VAV3: variants seen among roughly 807,000 people sequenced by gnomAD.
VAV3 encodes guanine nucleotide exchange factor VAV3.
A neutral mutation model predicts 131.2 loss-of-function variants in VAV3; 94 were observed. That is an observed-to-expected ratio of 0.72 (90% CI 0.61 to 0.85). VAV3 has a LOEUF of 0.85. Among genes scored for constraint, VAV3 ranks in the 40% least tolerant of loss-of-function variants. The pLI is 0.00. For missense variants in VAV3, 939 were observed against 1,002.7 expected, an observed-to-expected ratio of 0.94 and a Z score of 0.86; for synonymous variants, 349 against 342.0, an observed-to-expected ratio of 1.02 and a Z score of -0.22.
At chr1:107,778,411 C>CTG (rs34739480) in intron 3 of VAV3, among the ~76,000 whole-genome samples, 113,142 of 151,862 alleles carry the variant, frequency 0.75, 42,424 homozygotes, top group Non-Finnish European at 0.79. Flanking sequence ...TTAAAAAAAT[C>CTG]TTTACATATA....
chr1:107,604,305 A>T (rs755246075), intron 22 of VAV3, among the ~76,000 whole-genome samples: 6 of 152,182 alleles, frequency 3.9e-5, no homozygotes, highest in Admixed American at 3.3e-4. Context: ...ACAGGCATTC[A>T]GCAAAAGTTT....
intron 19 of VAV3, among the ~76,000 whole-genome samples, chr1:107,666,960 G>A (rs1570717079): frequency 2.0e-5 from 3 of 152,242 alleles, no homozygotes. Context: ...CTGTATCATT[G>A]ATTTTCAAAA....
At chr1:107,828,239 A>G (rs1334195796) in intron 2 of VAV3, among the ~76,000 whole-genome samples, 1 of 152,148 alleles carries the variant, frequency 6.6e-6, no homozygotes, top group Non-Finnish European at 1.5e-5. Context: ...GAGGAAGAAG[A>G]GTCAAGTTGT....
At chr1:107,814,776 T>G (rs543128329) in intron 2 of VAV3, among the ~76,000 whole-genome samples, 1 of 152,268 alleles carries the variant, frequency 6.6e-6, no homozygotes, top group African/African-American at 2.4e-5. Context: ...AAACAGTGCT[T>G]ATGGAAGAAT....
At chr1:107,840,566 A>G (rs1668656599) in intron 2 of VAV3, among the ~76,000 whole-genome samples, 1 of 152,178 alleles carries the variant, frequency 6.6e-6, no homozygotes, top group African/African-American at 2.4e-5. Context: ...TTCATTGTCT[A>G]TTCATATTTC....
chr1:107,827,208 G>A (rs1668053648), intron 2 of VAV3, among the ~76,000 whole-genome samples: 1 of 152,124 alleles, frequency 6.6e-6, no homozygotes, highest in South Asian at 2.1e-4. Flanking sequence ...CCAGACAGAG[G>A]TAACATGAAA....
chr1:107,762,983 T>C (rs567501100), intron 9 of VAV3, among the ~76,000 whole-genome samples: 22 of 152,294 alleles, frequency 1.4e-4, no homozygotes, highest in African/African-American at 4.8e-4. Flanking sequence ...TCACCCCATG[T>C]TATCTTGGTT....
At chr1:107,692,192 T>C (rs1397148591) in intron 17 of VAV3, among the ~76,000 whole-genome samples, 1 of 152,220 alleles carries the variant, frequency 6.6e-6, no homozygotes, top group African/African-American at 2.4e-5. Flanking sequence ...GATCAAATTT[T>C]GGAGAAAGTT....
intron 1 of VAV3, among the ~76,000 whole-genome samples, chr1:107,902,856 G>A (rs1344127448): frequency 2.0e-5 from 3 of 152,060 alleles, no homozygotes; most frequent in Non-Finnish European, 2.9e-5. Context: ...ATCCATACCC[G>A]TATTTGCCAT....
intron 20 of VAV3, among the ~76,000 whole-genome samples, chr1:107,624,647 A>T (rs182107377): frequency 6.6e-6 from 1 of 152,298 alleles, no homozygotes; most frequent in African/African-American, 2.4e-5. Flanking sequence ...ATGTTTTTCT[A>T]TCCTTGGCAA....
intron 2 of VAV3, among the ~76,000 whole-genome samples, chr1:107,841,736 T>C (rs1668718025): frequency 6.6e-6 from 1 of 152,154 alleles, no homozygotes; most frequent in Non-Finnish European, 1.5e-5. Flanking sequence ...GTCTGAGCTG[T>C]CCATCACTTT....
chr1:107,857,698 G>A (rs776585191), intron 2 of VAV3, among the ~76,000 whole-genome samples: 3 of 152,004 alleles, frequency 2.0e-5, no homozygotes, highest in Non-Finnish European at 2.9e-5. Flanking sequence ...AAAATATTCA[G>A]AATGAATGCA....
intron 19 of VAV3, among the ~76,000 whole-genome samples, chr1:107,661,187 G>A (rs1233183227): frequency 6.6e-6 from 1 of 152,108 alleles, no homozygotes; most frequent in African/African-American, 2.4e-5. Context: ...TTCTGCCCCA[G>A]GGTAGACACT....
At chr1:107,618,033 C>T (rs771765154) in intron 20 of VAV3, among the ~76,000 whole-genome samples, 4 of 152,092 alleles carry the variant, frequency 2.6e-5, no homozygotes, top group Non-Finnish European at 5.9e-5. Flanking sequence ...GCATTAGACT[C>T]TCATAAAGGA....
At chr1:107,747,767 T>C (rs962065952) in intron 15 of VAV3, among the ~76,000 whole-genome samples, 1 of 152,180 alleles carries the variant, frequency 6.6e-6, no homozygotes, top group Non-Finnish European at 1.5e-5. Context: ...TTCATGGCAG[T>C]GATAATAGAT....
intron 1 of VAV3, among the ~76,000 whole-genome samples, chr1:107,906,190 ACAGAAATG>A: frequency 6.6e-6 from 1 of 152,316 alleles, no homozygotes; most frequent in South Asian, 2.1e-4. Flanking sequence ...ACAGCCACTT[ACAGAAATG>A]CAGAAGGCTT....
intron 20 of VAV3, among the ~76,000 whole-genome samples, chr1:107,630,485 A>G (rs1329749014): frequency 6.6e-6 from 1 of 152,134 alleles, no homozygotes; most frequent in Non-Finnish European, 1.5e-5. Context: ...ACTGAGGCCC[A>G]CTTCAGAGTA....
chr1:107,625,967 CA>C (rs1653988257), intron 20 of VAV3, among the ~76,000 whole-genome samples: 1 of 152,094 alleles, frequency 6.6e-6, no homozygotes, highest in African/African-American at 2.4e-5. Context: ...AAAAGGACCA[CA>C]ACAGAATTTC....
chr1:107,903,699 G>A (rs1671975328), intron 1 of VAV3, among the ~76,000 whole-genome samples: 1 of 152,028 alleles, frequency 6.6e-6, no homozygotes, highest in Admixed American at 6.6e-5. Context: ...CTTTATATTT[G>A]TTGAAAAACT....
Sources: gnomAD v4.1 joint callset for allele counts (sites outside exome capture counted in the v4.1 genomes callset) on GRCh38, gnomAD v4.1.1 for gene constraint, MANE v1.5 for transcripts, NCBI Gene and HGNC (gene_info 2026-07-23, HGNC 2026-07-21) for gene names.